NLGN1: variants seen among roughly 807,000 people sequenced by gnomAD.
NLGN1 encodes neuroligin 1, also known as neuroligin-1.
Under a neutral mutation model 65.5 loss-of-function variants are expected in NLGN1, and 12 were observed. The ratio of observed to expected loss-of-function variants is 0.18; its 90% CI spans 0.12 to 0.30. The LOEUF is 0.30. Among genes scored for constraint, NLGN1 ranks in the 10% least tolerant of loss-of-function variants. The probability of loss-of-function intolerance (pLI) is 1.00; values close to 1 mark genes in which losing one functional copy is unlikely to be tolerated. For missense variants in NLGN1, 750 were observed against 1,007.1 expected (o/e 0.74, Z 3.46); for synonymous variants, 350 against 359.5 (o/e 0.97, Z 0.30).
At chr3:173,464,201 T>C (rs1363702667) in intron 2 of NLGN1, among the ~76,000 whole-genome samples, 1 of 152,172 alleles carries the variant, frequency 6.6e-6, no homozygotes, top group South Asian at 2.1e-4. Flanking sequence ...TGATATGATA[T>C]GTGCATTATC....
intron 4 of NLGN1, among the ~76,000 whole-genome samples, chr3:173,967,697 A>G (rs2152363573): frequency 6.6e-6 from 1 of 152,258 alleles, no homozygotes; most frequent in South Asian, 2.1e-4. Context: ...AATGCATTTC[A>G]TCCCGTTTCC....
At chr3:174,002,528 G>A (rs1723504689) in intron 4 of NLGN1, among the ~76,000 whole-genome samples, 1 of 152,056 alleles carries the variant, frequency 6.6e-6, no homozygotes, top group African/African-American at 2.4e-5. Flanking sequence ...TAACACTTCC[G>A]GGAATCAGTC....
At chr3:173,557,102 G>C (rs137899862) in intron 2 of NLGN1, among the ~76,000 whole-genome samples, 4 of 151,950 alleles carry the variant, frequency 2.6e-5, no homozygotes, top group African/African-American at 9.7e-5. Flanking sequence ...CATCATTCTG[G>C]ATGCATTTAC....
chr3:174,062,790 A>AT (rs1737697936), intron 4 of NLGN1, among the ~76,000 whole-genome samples: 1 of 152,074 alleles, frequency 6.6e-6, no homozygotes, highest in Non-Finnish European at 1.5e-5. Flanking sequence ...TTTAGAAACT[A>AT]TTTTTTCTAT....
intron 4 of NLGN1, among the ~76,000 whole-genome samples, chr3:174,174,615 G>T (rs1404834119): frequency 6.6e-6 from 1 of 151,830 alleles, no homozygotes; most frequent in Non-Finnish European, 1.5e-5. Flanking sequence ...TTGACCATTT[G>T]TATTTCTTCT....
At chr3:173,886,215 G>A (rs188175744) in intron 4 of NLGN1, among the ~76,000 whole-genome samples, 31 of 152,098 alleles carry the variant, frequency 2.0e-4, no homozygotes, top group Admixed American at 1.8e-3. Flanking sequence ...TATAATTATA[G>A]CAAGGCAAAA....
chr3:173,839,268 G>A (rs1287982029), intron 4 of NLGN1, among the ~76,000 whole-genome samples: 2 of 151,790 alleles, frequency 1.3e-5, no homozygotes, highest in Non-Finnish European at 2.9e-5. Context: ...TTATTTTGAA[G>A]TAAATTTGGA....
At chr3:173,555,911 A>T (rs1741635737) in intron 2 of NLGN1, among the ~76,000 whole-genome samples, 1 of 152,208 alleles carries the variant, frequency 6.6e-6, no homozygotes, top group South Asian at 2.1e-4. Context: ...AAAATTCAAC[A>T]ATAAAGCCTC....
At chr3:173,659,217 G>A (rs1424108914) in intron 3 of NLGN1, among the ~76,000 whole-genome samples, 1 of 151,996 alleles carries the variant, frequency 6.6e-6, no homozygotes. Context: ...GAATTTTAGA[G>A]TTTAGGAAGG....
chr3:173,794,385 A>G (rs1713510997), intron 3 of NLGN1, among the ~76,000 whole-genome samples: 1 of 152,106 alleles, frequency 6.6e-6, no homozygotes, highest in African/African-American at 2.4e-5. Flanking sequence ...TATATTTGTT[A>G]AACAGCTGGA....
At chr3:173,944,414 T>C (rs969227990) in intron 4 of NLGN1, among the ~76,000 whole-genome samples, 30 of 152,028 alleles carry the variant, frequency 2.0e-4, no homozygotes, top group African/African-American at 7.2e-4. Flanking sequence ...TCTGCAGCAT[T>C]TACTTGATGC....
chr3:173,983,572 T>C (rs1719229275), intron 4 of NLGN1, among the ~76,000 whole-genome samples: 1 of 152,176 alleles, frequency 6.6e-6, no homozygotes, highest in Non-Finnish European at 1.5e-5. Context: ...ACCTCAGTGC[T>C]TGTCTCTCTA....
At position 173,516,385 on chromosome 3, in the gene NLGN1, G is replaced by A. The variant is rs150709216; in HGVS notation, c.-321+81307G>A. Among the ~76,000 whole-genome samples the A allele has an allele frequency of 8.1e-4, 123 of 152,058 alleles. 1 individual carries two copies. Among genetic ancestry groups the A allele is most frequent in the Middle Eastern group, 3.4e-3 (1 of 294 alleles). On this transcript the variant is annotated intron_variant, in intron 2 of 6. Transcript: ENST00000457714. ...TCATATCTCCATCTAGATAGCCAGA[G>A]ATTTATCAAATTCCAGGTGATAAAA...
At chr3:173,887,722 A>G (rs1179627067) in intron 4 of NLGN1, among the ~76,000 whole-genome samples, 3 of 150,380 alleles carry the variant, frequency 2.0e-5, no homozygotes, top group Non-Finnish European at 4.4e-5. Flanking sequence ...AAAATATACT[A>G]GTAAAACAGT....
chr3:174,002,821 G>A (rs1205625173), intron 4 of NLGN1, among the ~76,000 whole-genome samples: 1 of 152,200 alleles, frequency 6.6e-6, no homozygotes, highest in Non-Finnish European at 1.5e-5. Context: ...TCTTATTTGT[G>A]ACTTTGTTAG....
rs191548274 is a variant in NLGN1 at position 174,110,934 on chromosome 3, C to T, written c.647-164381C>T. Among the ~76,000 whole-genome samples the T allele has an allele frequency of 2.3e-4, 35 of 151,980 alleles. No individual in the cohort carries two copies. In the South Asian group the frequency reaches 2.7e-3, roughly 12 times the overall value. On this transcript the variant is annotated intron_variant, in intron 4 of 6. Transcript: ENST00000457714. ...TATGGCCTTTGGTAAATAGTTACTT[C>T]TGCTTTTTAAAGGTCACAGTCAGAA...
At chr3:174,014,521 A>C (rs1726164968) in intron 4 of NLGN1, among the ~76,000 whole-genome samples, 1 of 152,222 alleles carries the variant, frequency 6.6e-6, no homozygotes, top group African/African-American at 2.4e-5. Context: ...TACATGTGCC[A>C]CATTCTTCTA....
rs1738186747 is a variant in NLGN1 at position 174,219,190 on chromosome 3, G to A, written c.647-56125G>A. Among the ~76,000 whole-genome samples, 3 of 152,144 alleles carry A rather than the reference G, an allele frequency of 2.0e-5. No individual in the cohort carries two copies. The South Asian group carries it at 6.2e-4, about 32-fold the overall frequency. On this transcript the variant is annotated intron_variant, in intron 4 of 6. Transcript: ENST00000457714. ...ACAGTTTATCTGGGAGACCACCCTG[G>A]AGTAGGAACCAGGAACCCATGGAAG...
chr3:173,557,818 G>A (rs1430457153), intron 2 of NLGN1, among the ~76,000 whole-genome samples: 1 of 151,886 alleles, frequency 6.6e-6, no homozygotes, highest in Non-Finnish European at 1.5e-5. Context: ...TTTTAAAAAA[G>A]TATTTTATAT....
Sources: gnomAD v4.1 joint callset for allele counts (sites outside exome capture counted in the v4.1 genomes callset) on GRCh38, gnomAD v4.1.1 for gene constraint, MANE v1.5 for transcripts, NCBI Gene and HGNC (gene_info 2026-07-23, HGNC 2026-07-21) for gene names.